ARHGEF4: variants seen among roughly 807,000 people sequenced by gnomAD.
The protein encoded by ARHGEF4 is Rho guanine nucleotide exchange factor 4.
In ARHGEF4, 119 loss-of-function variants were observed where a neutral mutation model predicts 162.0. The ratio of observed to expected loss-of-function variants is 0.73; its 90% confidence interval spans 0.63 to 0.86. The LOEUF (loss-of-function observed/expected upper bound fraction) is 0.86, where lower values mean the gene tolerates loss of function less well. Ranked by LOEUF, ARHGEF4 falls within the 40% of genes least tolerant of loss-of-function variation. The probability of loss-of-function intolerance (pLI) is 0.00; values close to 1 mark genes in which losing one functional copy is unlikely to be tolerated. For synonymous variants in ARHGEF4, 1,014 were observed against 979.9 expected, an observed-to-expected ratio of 1.03 and a Z score of -0.65; for missense variants, 2,488 against 2,456.0, an observed-to-expected ratio of 1.01 and a Z score of -0.28.
intron 4 of ARHGEF4, among the ~76,000 whole-genome samples, chr2:130,988,028 A>G (rs1438560974): frequency 6.6e-6 from 1 of 152,150 alleles, no homozygotes; most frequent in Non-Finnish European, 1.5e-5. Context: ...AGATAACATG[A>G]TTCCAAGGGC....
chr2:131,040,615 C>G (rs1690732726), intron 8 of ARHGEF4, among the ~76,000 whole-genome samples, 175 bp downstream of exon 8: 2 of 152,232 alleles, frequency 1.3e-5, no homozygotes, highest in Non-Finnish European at 2.9e-5. Context: ...AGGATGGTCT[C>G]TGCTTCTGTG....
intron 2 of ARHGEF4, among the ~76,000 whole-genome samples, chr2:130,929,472 A>C (rs1416976223): frequency 3.3e-5 from 5 of 152,196 alleles, no homozygotes; most frequent in African/African-American, 1.2e-4. Context: ...AATCTTGTAG[A>C]AAATTCTTAT....
At chr2:130,875,773 A>G (rs1678790058) in intron 1 of ARHGEF4, among the ~76,000 whole-genome samples, 1 of 152,128 alleles carries the variant, frequency 6.6e-6, no homozygotes, top group East Asian at 1.9e-4. Flanking sequence ...CAAGTGGATC[A>G]AACTCAGTCT....
chr2:131,020,350 C>CTGTG (rs1381093338), intron 4 of ARHGEF4, among the ~76,000 whole-genome samples: 1 of 121,570 alleles, frequency 8.2e-6, no homozygotes, highest in Non-Finnish European at 1.6e-5. Context: ...TCCCCCCACC[C>CTGTG]CACAACAGGC....
At chr2:130,890,511 A>G (rs1182563267) in intron 1 of ARHGEF4, among the ~76,000 whole-genome samples, 3 of 152,068 alleles carry the variant, frequency 2.0e-5, no homozygotes, top group African/African-American at 7.2e-5. Flanking sequence ...GCAGTGAGCC[A>G]AGATCACGCA....
At chr2:130,852,483 C>T (rs1226613230) in intron 1 of ARHGEF4, among the ~76,000 whole-genome samples, 1 of 145,634 alleles carries the variant, frequency 6.9e-6, no homozygotes, top group East Asian at 2.1e-4. Context: ...CTTGATGAGA[C>T]TGACTGTGGG....
intron 1 of ARHGEF4, among the ~76,000 whole-genome samples, chr2:130,867,411 T>A (rs987854442): frequency 6.6e-6 from 1 of 151,892 alleles, no homozygotes; most frequent in African/African-American, 2.4e-5. Flanking sequence ...CTAATTTTTG[T>A]ATTTTTAGTA....
At chr2:130,968,803 A>G (rs1025985659) in intron 4 of ARHGEF4, among the ~76,000 whole-genome samples, 2 of 152,178 alleles carry the variant, frequency 1.3e-5, no homozygotes, top group Admixed American at 1.3e-4. Context: ...CTGTAGTCCC[A>G]GCTACTTGGG....
At position 130,898,147 on chromosome 2, in the gene ARHGEF4, T is replaced by G. The variant is rs375698105; in HGVS notation, c.40-15839T>G. The stretch of plus-strand genomic sequence containing the variant: ...GTTATCCACATTTCCTCCCTGTGCC[T>G]TGAGCACAAAGATGCCCCCAGGCTA... On this transcript the variant is annotated intron_variant, in intron 1 of 13. Coordinates refer to ENST00000409359, the MANE Select transcript of ARHGEF4 (RefSeq NM_001367493.1). Among the ~76,000 whole-genome samples the G allele has an allele frequency of 2.1e-4, 32 of 152,368 alleles. 1 individual carries two copies. The South Asian group carries it at 6.6e-3, about 32-fold the overall frequency.
intron 1 of ARHGEF4, among the ~76,000 whole-genome samples, chr2:130,851,338 G>A (rs191203995): frequency 4.6e-5 from 7 of 152,254 alleles, no homozygotes; most frequent in African/African-American, 1.2e-4. Context: ...GCCCTGGTTC[G>A]CATCCATCAA....
chr2:130,865,647 C>T (rs780602165), intron 1 of ARHGEF4, among the ~76,000 whole-genome samples: 19 of 152,238 alleles, frequency 1.2e-4, no homozygotes, highest in Non-Finnish European at 2.2e-4. Flanking sequence ...TTTTCTGATC[C>T]TCGCGGAAAA....
chr2:131,038,479 G>C (rs1209821276), intron 5 of ARHGEF4, among the ~76,000 whole-genome samples: 1 of 143,894 alleles, frequency 6.9e-6, no homozygotes, highest in Non-Finnish European at 1.5e-5. Flanking sequence ...TCTCCCTCCT[G>C]CAGCCTTGCA....
intron 4 of ARHGEF4, among the ~76,000 whole-genome samples, chr2:130,971,486 C>T (rs1339797246): frequency 2.0e-5 from 3 of 151,820 alleles, no homozygotes; most frequent in Non-Finnish European, 2.9e-5. Context: ...GGTGAAACCC[C>T]GTCTCTACTA....
At chr2:131,041,137 G>T in intron 8 of ARHGEF4, 93 bp from the exon 9 acceptor site, 1 of 1,247,848 alleles carries the variant, frequency 8.0e-7, no homozygotes, top group Non-Finnish European at 1.1e-6. Context: ...GCTCCTGAAG[G>T]AAATGTAGAG....
intron 4 of ARHGEF4, among the ~76,000 whole-genome samples, chr2:130,961,649 C>T (rs186663590): frequency 1.4e-4 from 22 of 152,288 alleles, no homozygotes; most frequent in Admixed American, 1.0e-3. Flanking sequence ...TTGGGCTGCT[C>T]AGTGGGTGAC....
chr2:130,965,339 A>G (rs1052670774), intron 4 of ARHGEF4, among the ~76,000 whole-genome samples: 2 of 152,258 alleles, frequency 1.3e-5, no homozygotes, highest in African/African-American at 4.8e-5. Context: ...AGAGAAGTGA[A>G]GGACATGCAG....
chr2:131,028,029 C>T lies in ARHGEF4; in HGVS notation c.4070C>T (p.Ser1357Phe), dbSNP rs898672633. Reference protein sequence around the residue: ...EEDLYDDLHSSSHHYSHPGGG... With the variant: ...EEDLYDDLHSFSHHYSHPGGG... ...GACCTGTATGATGACCTGCACAGCT[C>T]CAGCCACCACTACAGCCACCCTGGA... Residue 1357 changes from serine to phenylalanine, a missense_variant, in exon 5 of 14, where the codon TCC (serine) becomes TTC (phenylalanine). This residue lies in a region of ARHGEF4 where 1,642 missense variants were observed against 1,481.5 expected (regional missense o/e 1.11). Coordinates refer to ENST00000409359, the MANE Select transcript of ARHGEF4 (RefSeq NM_001367493.1). 2 of 1,613,852 alleles carry T rather than the reference C, an allele frequency of 1.2e-6. No homozygotes were observed. The highest frequency in any genetic ancestry group is 3.3e-5 in the Admixed American group (2 of 60,006).
intron 3 of ARHGEF4, among the ~76,000 whole-genome samples, chr2:130,941,593 C>G (rs1683301384): frequency 6.6e-6 from 1 of 151,996 alleles, no homozygotes; most frequent in Non-Finnish European, 1.5e-5. Context: ...CAGTCTAACA[C>G]TTATTTTGTA....
chr2:130,840,815 A>G (rs563396784), intron 1 of ARHGEF4, among the ~76,000 whole-genome samples: 5 of 152,298 alleles, frequency 3.3e-5, no homozygotes, highest in Admixed American at 6.5e-5. Context: ...CCAGCCCTCA[A>G]TGGTGCCGGG....
Sources: allele counts gnomAD v4.1 joint callset (sites outside exome capture counted in the v4.1 genomes callset), GRCh38; gene constraint gnomAD v4.1.1; regional missense constraint gnomAD v4.1.1; transcripts MANE v1.5; gene names NCBI Gene and HGNC (gene_info 2026-07-23, HGNC 2026-07-21).